The following CCDC60 variants were observed in gnomAD, a reference collection of about 807,000 sequenced individuals.
CCDC60 encodes the protein coiled-coil domain containing 60, also known as coiled-coil domain-containing protein 60.
A neutral mutation model predicts 63.5 loss-of-function variants in CCDC60; 54 were observed. That is an observed-to-expected ratio of 0.85 (90% CI 0.68 to 1.07). CCDC60 has a LOEUF of 1.07. Ranked by LOEUF, CCDC60 falls within the 50% of genes least tolerant of loss-of-function variation. The pLI, the probability that CCDC60 is intolerant of heterozygous loss-of-function variation, is 0.00. For synonymous variants in CCDC60, 206 were observed against 238.8 expected, an observed-to-expected ratio of 0.86 and a Z score of 1.27; for missense variants, 651 against 684.3, an observed-to-expected ratio of 0.95 and a Z score of 0.54.
intron 1 of CCDC60, among the ~76,000 whole-genome samples, chr12:119,366,864 G>A (rs1018338666): frequency 6.6e-5 from 10 of 152,130 alleles, no homozygotes; most frequent in Admixed American, 2.6e-4. Context: ...ACAGAATCTC[G>A]CTCTGTTGCC....
intron 11 of CCDC60, among the ~76,000 whole-genome samples, chr12:119,525,206 T>C (rs2136510122): frequency 6.6e-6 from 1 of 152,318 alleles, no homozygotes; most frequent in East Asian, 1.9e-4. Context: ...AGAGTCATGC[T>C]GAACAACTTG....
intron 7 of CCDC60, among the ~76,000 whole-genome samples, chr12:119,510,709 G>T (rs1489330774): frequency 6.6e-6 from 1 of 152,132 alleles, no homozygotes; most frequent in Non-Finnish European, 1.5e-5. Context: ...ACTTTCTTCT[G>T]TGTCATCCTT....
chr12:119,367,577 GGA>G (rs1226133733), intron 1 of CCDC60, among the ~76,000 whole-genome samples: 2 of 152,132 alleles, frequency 1.3e-5, no homozygotes, highest in Non-Finnish European at 2.9e-5. Context: ...TGTGACCTTG[GGA>G]AAGCTTAGTA....
chr12:119,535,407 T>C (rs1952972939), intron 13 of CCDC60, among the ~76,000 whole-genome samples: 1 of 152,238 alleles, frequency 6.6e-6, no homozygotes, highest in Non-Finnish European at 1.5e-5. Context: ...TTTGTGTCTC[T>C]ATCTCCTTCA....
At chr12:119,498,861 T>G (rs1951777159) in intron 5 of CCDC60, among the ~76,000 whole-genome samples, 1 of 152,208 alleles carries the variant, frequency 6.6e-6, no homozygotes. Context: ...CTCCCTGCTT[T>G]CTTATCAGTA....
intron 6 of CCDC60, among the ~76,000 whole-genome samples, chr12:119,500,920 G>A (rs1345324925): frequency 6.6e-6 from 1 of 152,152 alleles, no homozygotes; most frequent in African/African-American, 2.4e-5. Context: ...ACTAGAAGGT[G>A]CAGTTATTAA....
intron 4 of CCDC60, among the ~76,000 whole-genome samples, chr12:119,488,097 T>G (rs2136373543): frequency 6.6e-6 from 1 of 152,336 alleles, no homozygotes; most frequent in East Asian, 1.9e-4. Context: ...ATTACACAAA[T>G]GCGCCATCAT....
intron 1 of CCDC60, among the ~76,000 whole-genome samples, chr12:119,422,843 T>G (rs1054754051): frequency 1.3e-5 from 2 of 152,024 alleles, no homozygotes; most frequent in African/African-American, 4.8e-5. Flanking sequence ...CTAATTACGG[T>G]TTTTGCCATT....
chr12:119,482,733 C>T (rs4767822), intron 4 of CCDC60, among the ~76,000 whole-genome samples: 6,074 of 152,180 alleles, frequency 0.04, 163 homozygotes, highest in Non-Finnish European at 0.06. Context: ...CCTAAGTCTA[C>T]ATGTCAGCAG....
chr12:119,359,890 T>C lies in CCDC60; in HGVS notation c.90+24624T>C, dbSNP rs1464462320. On this transcript the variant is annotated intron_variant, in intron 1 of 13. Coordinates refer to ENST00000327554, the MANE Select transcript of CCDC60 (RefSeq NM_178499.5). The stretch of plus-strand genomic sequence containing the variant: ...AACAGGATCCCAAGGCAGAAGAATT[T>C]CTCTTAGTACAGAACAAAATGAAAA... Among the ~76,000 whole-genome samples the C allele has an allele frequency of 2.6e-5, 4 of 151,796 alleles. No homozygotes were observed. In the East Asian group the frequency reaches 7.9e-4, roughly 30 times the overall value.
chr12:119,391,716 A>T (rs540430555), intron 1 of CCDC60, among the ~76,000 whole-genome samples: 16 of 152,316 alleles, frequency 1.1e-4, no homozygotes, highest in African/African-American at 3.8e-4. Flanking sequence ...TGTTGTTGGT[A>T]CTCCTAGAGA....
chr12:119,505,353 A>C, intron 7 of CCDC60, 50 bp downstream of exon 7: 1 of 1,318,630 alleles, frequency 7.6e-7, no homozygotes, highest in Non-Finnish European at 1.1e-6. Context: ...TTTGCCTTTA[A>C]GCCAGACATC....
chr12:119,357,011 C>G (rs567499968), intron 1 of CCDC60, among the ~76,000 whole-genome samples: 1 of 152,212 alleles, frequency 6.6e-6, no homozygotes, highest in Non-Finnish European at 1.5e-5. Context: ...AATCAAGATA[C>G]AGACCATTAC....
chr12:119,467,042 A>C (rs1789679733), intron 2 of CCDC60, among the ~76,000 whole-genome samples: 1 of 152,220 alleles, frequency 6.6e-6, no homozygotes, highest in Admixed American at 6.5e-5. Context: ...TTCTGCATAA[A>C]CTACCGCTTA....
intron 1 of CCDC60, among the ~76,000 whole-genome samples, chr12:119,371,273 A>G (rs1290380949): frequency 6.6e-6 from 1 of 152,140 alleles, no homozygotes; most frequent in African/African-American, 2.4e-5. Flanking sequence ...TAAAAAATGC[A>G]AGACACTGCC....
At chr12:119,473,545 C>T (rs1204211367) in intron 3 of CCDC60, among the ~76,000 whole-genome samples, 1 of 152,102 alleles carries the variant, frequency 6.6e-6, no homozygotes, top group Non-Finnish European at 1.5e-5. Context: ...GATTATGGTG[C>T]ACCCATCACC....
At chr12:119,360,108 G>A (rs1291850830) in intron 1 of CCDC60, among the ~76,000 whole-genome samples, 1 of 151,812 alleles carries the variant, frequency 6.6e-6, no homozygotes, top group East Asian at 2.0e-4. Flanking sequence ...CAGTAGGGGC[G>A]GCCGGGCAGA....
chr12:119,535,208 G>A (rs904152875), intron 13 of CCDC60, among the ~76,000 whole-genome samples: 5 of 152,144 alleles, frequency 3.3e-5, no homozygotes, highest in African/African-American at 1.2e-4. Flanking sequence ...GCGCAGAGGT[G>A]TTTATGGTAT....
intron 1 of CCDC60, among the ~76,000 whole-genome samples, chr12:119,352,823 C>T (rs1955670422): frequency 6.6e-6 from 1 of 152,050 alleles, no homozygotes; most frequent in South Asian, 2.1e-4. Context: ...ACCTGTGATC[C>T]AAGCTACTTG....
Sources: gnomAD v4.1 joint callset for allele counts (sites outside exome capture counted in the v4.1 genomes callset) on GRCh38, gnomAD v4.1.1 for gene constraint, MANE v1.5 for transcripts, NCBI Gene and HGNC (gene_info 2026-07-23, HGNC 2026-07-21) for gene names.